The following MON2 variants were observed in gnomAD, a reference collection of about 807,000 sequenced individuals.
MON2 encodes the protein protein MON2 homolog.
MON2 carries 84 observed loss-of-function variants against 208.6 expected under a neutral mutation model. The observed-to-expected ratio is 0.40, with a 90% CI of 0.34 to 0.48. The LOEUF (loss-of-function observed/expected upper bound fraction) is 0.48, where lower values mean the gene tolerates loss of function less well. MON2 is among the 20% of genes least tolerant of loss of function. The pLI, the probability that MON2 is intolerant of heterozygous loss-of-function variation, is 0.59. For synonymous variants in MON2, 660 were observed against 694.0 expected (o/e 0.95, Z 0.77); for missense variants, 1,611 against 2,015.4 (o/e 0.80, Z 3.84).
intron 12 of MON2, among the ~76,000 whole-genome samples, chr12:62,533,394 T>C (rs550950492): frequency 6.6e-5 from 10 of 152,358 alleles, no homozygotes; most frequent in African/African-American, 2.2e-4. Context: ...TGCTTTCCCT[T>C]CTGCATTTTT....
At chr12:62,508,244 T>G in intron 7 of MON2, 42 bp from the exon 8 acceptor site, 1 of 1,506,892 alleles carries the variant, frequency 6.6e-7, no homozygotes, top group Non-Finnish European at 9.1e-7. Context: ...TAAGTACAAA[T>G]AAAGTTAATT....
At chr12:62,545,198 T>G (rs1000925259) in intron 21 of MON2, among the ~76,000 whole-genome samples, 190 bp downstream of exon 21, 1 of 152,116 alleles carries the variant, frequency 6.6e-6, no homozygotes, top group Non-Finnish European at 1.5e-5. Flanking sequence ...ATAAAAAATT[T>G]TAAACATCTT....
chr12:62,556,650 T>G (rs1157819838), intron 25 of MON2, among the ~76,000 whole-genome samples: 2 of 151,828 alleles, frequency 1.3e-5, no homozygotes, highest in Admixed American at 6.6e-5. Context: ...AGGAGAAGAT[T>G]GAGGAAAAGA....
chr12:62,466,956 T>C lies in MON2; in HGVS notation c.-252T>C. 2.1e-6 allele frequency: 1 copy of C among 477,010 alleles called. No individual in the cohort carries two copies. The highest frequency in any genetic ancestry group is 3.7e-6 in the Non-Finnish European group (1 of 269,180). The allele number at this position is 477,010 out of a possible 1,614,324, so 29.5% of individuals were successfully genotyped here. ...CGGAGGGACCTGCCCGCCTTGTGGG[T>C]TTCTCGGCCAGAGTCGGCGGAGCCT... On this transcript the variant is annotated 5_prime_UTR_variant, in exon 1 of 35. Transcript: ENST00000393630.
chr12:62,527,974 AC>A (rs1175734872), intron 11 of MON2, among the ~76,000 whole-genome samples: 1 of 152,204 alleles, frequency 6.6e-6, no homozygotes, highest in African/African-American at 2.4e-5. Flanking sequence ...TAGTTCTGCT[AC>A]TAAATACTGT....
chr12:62,565,433 C>T (rs942268929), intron 27 of MON2, 53 bp downstream of exon 27: 40 of 1,432,680 alleles, frequency 2.8e-5, no homozygotes, highest in Admixed American at 1.1e-4. Context: ...CTTATAAATA[C>T]AGATAGTTCC....
chr12:62,560,400 A>G, intron 25 of MON2, 91 bp from the exon 26 acceptor site: 1 of 1,319,344 alleles, frequency 7.6e-7, no homozygotes. Flanking sequence ...TTAAGCAGAA[A>G]AATTAAGCAA....
chr12:62,592,805 T>C lies in MON2; in HGVS notation c.*56T>C, dbSNP rs2136523957. 1 of 1,476,714 alleles carries C rather than the reference T, an allele frequency of 6.8e-7. No individual in the cohort carries two copies. Among genetic ancestry groups the C allele is most frequent in the Middle Eastern group, 1.8e-4 (1 of 5,524 alleles). 91.5% of individuals were successfully genotyped at this position (1,476,714 alleles called of 1,614,324 possible). On this transcript the variant is annotated 3_prime_UTR_variant, in exon 35 of 35. Coordinates refer to ENST00000393630, the MANE Select transcript of MON2 (RefSeq NM_015026.3). ...TAGTCTAAAAAATGTTTGCTCCTAATTGAGTCTTCTGTGAGAAGGACATTT... is the reference window on the plus strand; with the variant it reads ...TAGTCTAAAAAATGTTTGCTCCTAACTGAGTCTTCTGTGAGAAGGACATTT...
chr12:62,546,569 C>T (rs1196971612), intron 21 of MON2, among the ~76,000 whole-genome samples: 2 of 151,914 alleles, frequency 1.3e-5, no homozygotes, highest in Non-Finnish European at 2.9e-5. Context: ...GCCTGACCAA[C>T]ATGGTGAAAC....
chr12:62,474,234 T>G (rs1297554012), intron 1 of MON2, among the ~76,000 whole-genome samples: 1 of 151,564 alleles, frequency 6.6e-6, no homozygotes, highest in African/African-American at 2.4e-5. Context: ...TTCTCCTGCC[T>G]CAGCCTCCTG....
intron 8 of MON2, among the ~76,000 whole-genome samples, chr12:62,512,763 T>A (rs1004438440): frequency 6.6e-6 from 1 of 152,232 alleles, no homozygotes; most frequent in Non-Finnish European, 1.5e-5. Context: ...CCCTTCTGTA[T>A]TGCCCTAGCA....
chr12:62,570,966 G>A (rs1207446230), intron 29 of MON2, among the ~76,000 whole-genome samples: 2 of 151,884 alleles, frequency 1.3e-5, no homozygotes, highest in Admixed American at 6.6e-5. Flanking sequence ...TCTTGACCTC[G>A]TGATCCACCC....
chr12:62,471,026 G>A (rs1009026093), intron 1 of MON2, among the ~76,000 whole-genome samples: 32 of 152,230 alleles, frequency 2.1e-4, no homozygotes, highest in African/African-American at 7.2e-4. Context: ...GTGAAAGAGC[G>A]TATAGATTGA....
chr12:62,500,877 C>T lies in MON2; in HGVS notation c.660C>T (p.Phe220=). The T allele has an allele frequency of 6.5e-7, 1 of 1,530,012 alleles. No individual in the cohort carries two copies. Among genetic ancestry groups the T allele is most frequent in the Non-Finnish European group, 8.8e-7 (1 of 1,130,474 alleles). The allele number at this position is 1,530,012 out of a possible 1,614,324, so 94.8% of individuals were successfully genotyped here. A position where few individuals can be genotyped will look rare whatever the true frequency, so the allele number is the denominator to read the frequency against. ...KPCAKDAYML[F]QDLCQLVNAD... The stretch of plus-strand genomic sequence containing the variant: ...GTGCTAAAGATGCATATATGCTTTT[C>T]CAGGTATTTTAGTTGATAAAAGTAA... Residue 220 remains phenylalanine (F), a synonymous_variant, in exon 6 of 35, where the codon TTC becomes TTT. Coordinates refer to ENST00000393630, the MANE Select transcript of MON2 (RefSeq NM_015026.3).
At position 62,526,107 on chromosome 12, in the gene MON2, G is replaced by A; in HGVS notation, c.1400+5G>A. 1 of 1,610,944 alleles carries A rather than the reference G, an allele frequency of 6.2e-7. No homozygotes were observed. Among genetic ancestry groups the A allele is most frequent in the Non-Finnish European group, 8.5e-7 (1 of 1,177,416 alleles). On this transcript the variant is annotated splice_donor_5th_base_variant and intron_variant, in intron 11 of 34. Coordinates refer to ENST00000393630, the MANE Select transcript of MON2 (RefSeq NM_015026.3). ...AGGCAGTGCTAAAGCCACCTAGTAA[G>A]TAGTAGCAGCATTATTTTATAAGGA... is the stretch of plus-strand genomic sequence containing the variant.
rs78678071 is a variant in MON2 at position 62,549,401 on chromosome 12, C to T, written c.2754-267C>T. 4.6e-3 allele frequency among the ~76,000 whole-genome samples: 690 copies of T among 149,418 alleles called. 7 individuals are homozygous for T. The highest frequency in any genetic ancestry group is 0.017 in the African/African-American group (674 of 40,558). ...TTGGGAGGCTAAGGCAGGAGGATCA[C>T]TTGAGCCCAGGAAATTGAGACCAGC... On this transcript the variant is annotated intron_variant, in intron 22 of 34. Transcript: ENST00000393630.
intron 8 of MON2, among the ~76,000 whole-genome samples, chr12:62,520,968 T>C (rs117019088): frequency 0.094 from 14,083 of 149,050 alleles, 946 homozygotes; most frequent in East Asian, 0.27. Context: ...TTATTTTTAT[T>C]TTAGTTTTGT....
intron 8 of MON2, among the ~76,000 whole-genome samples, chr12:62,515,247 G>A (rs2071626065): frequency 6.6e-6 from 1 of 152,194 alleles, no homozygotes; most frequent in Non-Finnish European, 1.5e-5. Flanking sequence ...AGTGTTCATT[G>A]TCAGATGAAC....
At chr12:62,553,940 T>G (rs2073858067) in intron 24 of MON2, among the ~76,000 whole-genome samples, 1 of 152,196 alleles carries the variant, frequency 6.6e-6, no homozygotes. Flanking sequence ...TCCCAGTACT[T>G]TAGGAGGCTG....
Sources: allele counts gnomAD v4.1 joint callset (sites outside exome capture counted in the v4.1 genomes callset), GRCh38; gene constraint gnomAD v4.1.1; transcripts MANE v1.5; gene names NCBI Gene and HGNC (gene_info 2026-07-23, HGNC 2026-07-21).